The following USP28 variants were observed in gnomAD, a reference collection of about 807,000 sequenced individuals.
USP28 encodes the protein ubiquitin carboxyl-terminal hydrolase 28.
In USP28, 113 loss-of-function variants were observed where a neutral mutation model predicts 145.0. The observed-to-expected ratio is 0.78, with a 90% CI of 0.67 to 0.91. The LOEUF is 0.91. Ranked by LOEUF, USP28 falls within the 40% of genes least tolerant of loss-of-function variation. The pLI is 0.00. For synonymous variants in USP28, 447 were observed against 450.9 expected (o/e 0.99, Z 0.11); for missense variants, 1,201 against 1,289.6 (o/e 0.93, Z 1.05).
chr11:113,842,577 T>A (rs1945326993), intron 3 of USP28, among the ~76,000 whole-genome samples: 1 of 142,434 alleles, frequency 7.0e-6, no homozygotes. Context: ...AGAGTGAGAC[T>A]CCGTCTCAGA....
chr11:113,826,536 CGCT>C (rs1943355688), intron 11 of USP28, among the ~76,000 whole-genome samples: 1 of 151,294 alleles, frequency 6.6e-6, no homozygotes, highest in Non-Finnish European at 1.5e-5. Flanking sequence ...TAAACTCCTG[CGCT>C]CAAGATATCT....
intron 19 of USP28, among the ~76,000 whole-genome samples, chr11:113,805,929 CT>C (rs927739247): frequency 6.6e-4 from 100 of 151,350 alleles, no homozygotes; most frequent in Non-Finnish European, 8.7e-4. Flanking sequence ...TCACAGAAGA[CT>C]TTTTTTTTAT....
In USP28 at chr11:113,875,412, C is replaced by A. The variant is rs982771970; in HGVS notation, c.57+33G>T. ...CGCTCCCCTCAGGGCCTGGAGCCCGCCCCCAGCTCCCGCTCGCCGCCGCGG... is the reference window on the plus strand; with the variant it reads ...CGCTCCCCTCAGGGCCTGGAGCCCGACCCCAGCTCCCGCTCGCCGCCGCGG... On this transcript the variant is annotated intron_variant, in intron 1 of 24. Transcript: ENST00000003302. 4.8e-5 allele frequency: 59 copies of A among 1,232,300 alleles called. 2 individuals are homozygous for A. The African/African-American group carries it at 8.4e-4, about 18-fold the overall frequency. The allele number at this position is 1,232,300 out of a possible 1,614,324, so 76.3% of individuals were successfully genotyped here. A position where few individuals can be genotyped will look rare whatever the true frequency, so the allele number is the denominator to read the frequency against.
chr11:113,816,997 G>A (rs1941840785), intron 13 of USP28, among the ~76,000 whole-genome samples: 1 of 152,094 alleles, frequency 6.6e-6, no homozygotes, highest in Non-Finnish European at 1.5e-5. Context: ...GTGTTGGGGA[G>A]AATAGTTAAG....
rs145599934 is a variant in USP28, at chr11:113,839,268, C to T, written c.534+1330G>A. ...AGACCATAGCATACACAGGCACAGG[C>T]ACCTCAGACTCGGCATATCTAAAAC... On this transcript the variant is annotated intron_variant, in intron 5 of 24. Transcript: ENST00000003302. Among the ~76,000 whole-genome samples the T allele has an allele frequency of 1.6e-3, 245 of 152,274 alleles. 3 individuals are homozygous for T. The highest frequency in any genetic ancestry group is 5.5e-3 in the African/African-American group (229 of 41,552).
At chr11:113,842,126 T>C (rs1409867325) in intron 3 of USP28, among the ~76,000 whole-genome samples, 2 of 152,044 alleles carry the variant, frequency 1.3e-5, no homozygotes, top group Non-Finnish European at 1.5e-5. Flanking sequence ...TTAAATCTCA[T>C]ACAAAATATT....
In USP28 at chr11:113,840,597, C is replaced by A. The variant is rs1292428210; in HGVS notation, c.534+1G>T. ...ACAGTTATCTCTTAAAAATATCATA[C>A]CTGAATAACAGCACTAAACCAACAT... On this transcript the variant is annotated splice_donor_variant, in intron 5 of 24. Transcript: ENST00000003302. LOFTEE classifies it high-confidence loss of function. 1 of 1,610,388 alleles carries A rather than the reference C, an allele frequency of 6.2e-7. No homozygotes were observed. Among genetic ancestry groups the A allele is most frequent in the Non-Finnish European group, 8.5e-7 (1 of 1,179,140 alleles).
At chr11:113,825,197 C>G (rs995242092) in intron 11 of USP28, among the ~76,000 whole-genome samples, 1 of 152,096 alleles carries the variant, frequency 6.6e-6, no homozygotes, top group Non-Finnish European at 1.5e-5. Context: ...ACAGACAGAA[C>G]AGACTCCAGA....
chr11:113,804,730 C>T (rs1435208417), exon 21 of USP28: 1 of 1,614,056 alleles, frequency 6.2e-7, no homozygotes, highest in East Asian at 2.2e-5. Context: ...TCGCTTGAGC[C>T]ACCTTCATAA....
At chr11:113,827,107 C>A in intron 11 of USP28, 126 bp downstream of exon 11, 1 of 1,217,234 alleles carries the variant, frequency 8.2e-7, no homozygotes, top group Non-Finnish European at 1.1e-6. Flanking sequence ...TCAACCTAGA[C>A]TCATAGAATC....
chr11:113,824,839 G>C (rs535296671), intron 11 of USP28, among the ~76,000 whole-genome samples: 1 of 151,196 alleles, frequency 6.6e-6, no homozygotes, highest in Non-Finnish European at 1.5e-5. Flanking sequence ...GCTGAGGCAG[G>C]AGAATCATTT....
rs80183731 is a variant in USP28 at position 113,856,668 on chromosome 11, C to CA, written c.58-2334dup. Among the ~76,000 whole-genome samples the CA allele has an allele frequency of 1.4e-3, 213 of 151,960 alleles. 4 individuals carry two copies. The East Asian group carries it at 0.037, about 27-fold the overall frequency. On this transcript the variant is annotated intron_variant, in intron 1 of 24. Transcript: ENST00000003302. ...GATAGGCAAGAATACCTATCTAATG[C>CA]AAAAAAACGCAAATATCTTATTCTT...
intron 2 of USP28, 73 bp downstream of exon 2, chr11:113,854,185 G>GC (rs1477157237): frequency 1.2e-5 from 16 of 1,373,902 alleles, no homozygotes; most frequent in Non-Finnish European, 3.0e-6. Context: ...AATAGAAATA[G>GC]CTTGAACTGA....
chr11:113,854,219 CT>C, intron 2 of USP28, 38 bp downstream of exon 2: 1 of 1,565,710 alleles, frequency 6.4e-7, no homozygotes, highest in South Asian at 1.1e-5. Context: ...TAGACAGCTG[CT>C]TTAAAGCCTC....
intron 5 of USP28, among the ~76,000 whole-genome samples, chr11:113,839,041 C>T (rs1944899727): frequency 6.6e-6 from 1 of 152,222 alleles, no homozygotes; most frequent in Non-Finnish European, 1.5e-5. Context: ...AATTCATTCA[C>T]TCCCTTGGTT....
exon 25 of USP28, chr11:113,798,026 C>CTACATA (rs762053250): frequency 7.9e-4 from 112 of 142,414 alleles, no homozygotes; most frequent in Non-Finnish European, 1.4e-3. Flanking sequence ...GTATTTTTCT[C>CTACATA]TACATATACA....
intron 1 of USP28, among the ~76,000 whole-genome samples, chr11:113,862,369 C>A (rs1480813527): frequency 6.6e-6 from 1 of 152,086 alleles, no homozygotes; most frequent in Non-Finnish European, 1.5e-5. Flanking sequence ...TAACAGAGAT[C>A]AGAGAGGTGA....
chr11:113,869,763 A>G (rs112732455), intron 1 of USP28, among the ~76,000 whole-genome samples: 34 of 152,324 alleles, frequency 2.2e-4, no homozygotes, highest in Non-Finnish European at 3.4e-4. Context: ...CAACCCTGGG[A>G]AAATAAGTAT....
At chr11:113,871,653 CTTTTCCACTGAAA>C (rs1362191007) in intron 1 of USP28, among the ~76,000 whole-genome samples, 13 of 152,070 alleles carry the variant, frequency 8.5e-5, no homozygotes, top group Non-Finnish European at 2.9e-5. Flanking sequence ...GGAAGGGAAC[CTTTTCCACTGAAA>C]TAAGAGAAAA....
Sources: allele counts gnomAD v4.1 joint callset (sites outside exome capture counted in the v4.1 genomes callset), GRCh38; gene constraint gnomAD v4.1.1; transcripts MANE v1.5; gene names NCBI Gene and HGNC (gene_info 2026-07-23, HGNC 2026-07-21).